ODAD2: variants seen among roughly 807,000 people sequenced by gnomAD.
ODAD2 encodes the protein outer dynein arm-docking complex subunit 2.
Under a neutral mutation model 106.8 loss-of-function variants are expected in ODAD2, and 89 were observed. That is an observed-to-expected ratio of 0.83 (90% CI 0.70 to 0.99). ODAD2 has a LOEUF of 0.99. Among genes scored for constraint, ODAD2 ranks in the 50% least tolerant of loss-of-function variants. ODAD2 has a pLI of 0.00. For missense variants in ODAD2, 1,168 were observed against 1,238.5 expected, an observed-to-expected ratio of 0.94 and a Z score of 0.85; for synonymous variants, 404 against 436.2, an observed-to-expected ratio of 0.93 and a Z score of 0.92.
chr10:27,855,107 T>TAGGC (rs1839568808), intron 19 of ODAD2, among the ~76,000 whole-genome samples: 1 of 152,162 alleles, frequency 6.6e-6, no homozygotes, highest in Non-Finnish European at 1.5e-5. Flanking sequence ...TGTGTGGGTG[T>TAGGC]AGGCATATAT....
At chr10:27,949,165 TTG>T (rs1428346469) in intron 10 of ODAD2, among the ~76,000 whole-genome samples, 2 of 152,184 alleles carry the variant, frequency 1.3e-5, no homozygotes, top group Non-Finnish European at 2.9e-5. Flanking sequence ...CAAATCACTT[TTG>T]TGTTATTTCA....
intron 19 of ODAD2, among the ~76,000 whole-genome samples, chr10:27,815,589 T>C (rs1159876494): frequency 6.6e-6 from 1 of 152,176 alleles, no homozygotes; most frequent in African/African-American, 2.4e-5. Flanking sequence ...AATTGGCCAC[T>C]TCCTCCTTCT....
Position 27,995,105 on chromosome 10 carries a change from G to A in ODAD2, c.38C>T (p.Ala13Val), listed in dbSNP as rs1459374300. ...VALRKLTQWT[A>V]AGHGTGILEI... Reference sequence around the variant, plus strand: ...GAGGATTCCAGTTCCATGTCCGGCAGCAGTCCACTGCGTCAATTTCCTCAG... The same window carrying A: ...GAGGATTCCAGTTCCATGTCCGGCAACAGTCCACTGCGTCAATTTCCTCAG... Residue 13 changes from alanine (A) to valine (V), a missense_variant, in exon 2 of 20, where the codon GCT (alanine) becomes GTT (valine). Physicochemically the swap from Ala to Val is moderately conservative, Grantham distance 64. Coordinates refer to ENST00000305242, the MANE Select transcript of ODAD2 (RefSeq NM_018076.5). 6.2e-7 allele frequency: 1 copy of A among 1,614,010 alleles called. No homozygotes were observed. Among genetic ancestry groups the A allele is most frequent in the Non-Finnish European group, 8.5e-7 (1 of 1,180,040 alleles).
At chr10:27,900,001 C>T (rs1843089002) in intron 17 of ODAD2, among the ~76,000 whole-genome samples, 1 of 152,146 alleles carries the variant, frequency 6.6e-6, no homozygotes, top group Admixed American at 6.5e-5. Flanking sequence ...GGTCTCTGAC[C>T]CCAGTGCCTC....
intron 16 of ODAD2, among the ~76,000 whole-genome samples, chr10:27,929,882 T>C (rs976326045): frequency 6.6e-6 from 1 of 152,152 alleles, no homozygotes; most frequent in Non-Finnish European, 1.5e-5. Context: ...TGGTCTTTTT[T>C]ATGTCAATAT....
At chr10:27,837,474 A>G (rs1485316754) in intron 19 of ODAD2, among the ~76,000 whole-genome samples, 1 of 152,222 alleles carries the variant, frequency 6.6e-6, no homozygotes, top group Non-Finnish European at 1.5e-5. Flanking sequence ...GGTTTCCACA[A>G]TCAGAAAATC....
intron 19 of ODAD2, among the ~76,000 whole-genome samples, chr10:27,839,667 T>C (rs10508726): frequency 0.6 from 91,853 of 152,034 alleles, 28,030 homozygotes; most frequent in Middle Eastern, 0.7. Context: ...AAAAACGCTG[T>C]GGTTTAAACA....
chr10:27,904,223 T>C (rs1487321594), intron 17 of ODAD2: 4 of 391,496 alleles, frequency 1.0e-5, no homozygotes, highest in African/African-American at 6.3e-5. Flanking sequence ...TGCACATTCC[T>C]AAAGCCTTCC....
At chr10:27,939,789 A>G in intron 14 of ODAD2, 108 bp downstream of exon 14, 1 of 506,406 alleles carries the variant, frequency 2.0e-6, no homozygotes. Context: ...AATAAATAAA[A>G]TGCAGATTCC....
chr10:27,924,230 C>A (rs1319844695), intron 16 of ODAD2, among the ~76,000 whole-genome samples: 1 of 150,778 alleles, frequency 6.6e-6, no homozygotes, highest in Non-Finnish European at 1.5e-5. Flanking sequence ...AAGTAAAATT[C>A]TCTGTGTAGT....
At chr10:27,920,947 T>A (rs960248565) in intron 16 of ODAD2, among the ~76,000 whole-genome samples, 3 of 152,156 alleles carry the variant, frequency 2.0e-5, no homozygotes, top group African/African-American at 7.2e-5. Flanking sequence ...CATGGTAAGT[T>A]TTAATTCTAT....
At chr10:27,815,169 T>C (rs1303639580) in intron 19 of ODAD2, among the ~76,000 whole-genome samples, 4 of 152,202 alleles carry the variant, frequency 2.6e-5, no homozygotes, top group Admixed American at 2.6e-4. Flanking sequence ...ACAATGGCTC[T>C]CTCCTATCCA....
At chr10:27,820,194 G>A (rs1836490331) in intron 19 of ODAD2, among the ~76,000 whole-genome samples, 2 of 152,066 alleles carry the variant, frequency 1.3e-5, no homozygotes, top group African/African-American at 4.8e-5. Flanking sequence ...GGACACCAAT[G>A]GCCCAGGCTC....
rs181722569 is a variant in ODAD2 at position 27,947,424 on chromosome 10, T to C, written c.1387-2462A>G. Among the ~76,000 whole-genome samples the C allele has an allele frequency of 1.6e-3, 251 of 152,242 alleles. 1 individual carries two copies. The highest frequency in any genetic ancestry group is 5.7e-3 in the African/African-American group (235 of 41,542). On this transcript the variant is annotated intron_variant, in intron 10 of 19. Coordinates refer to ENST00000305242, the MANE Select transcript of ODAD2 (RefSeq NM_018076.5). ...AGGCTGCAGTGAGCTATGATCACAC[T>C]ACCACTCTCCAGCATGGGCAACAGA... is the stretch of plus-strand genomic sequence containing the variant.
chr10:27,870,794 G>A (rs1263156880), intron 17 of ODAD2, among the ~76,000 whole-genome samples: 1 of 152,134 alleles, frequency 6.6e-6, no homozygotes, highest in Admixed American at 6.5e-5. Flanking sequence ...TTGCTATTGT[G>A]AATAGTGCCA....
intron 17 of ODAD2, among the ~76,000 whole-genome samples, chr10:27,889,537 T>C (rs1357733297): frequency 1.3e-5 from 2 of 152,168 alleles, no homozygotes. Flanking sequence ...CACTGTCTCT[T>C]AGTCTTATGA....
chr10:27,958,997 G>A (rs745422042), intron 10 of ODAD2: 70 of 1,302,886 alleles, frequency 5.4e-5, no homozygotes, highest in African/African-American at 2.9e-4. Context: ...ATAATGGACC[G>A]GGACTCTTGG....
At chr10:27,936,969 G>A in intron 14 of ODAD2, 89 bp from the exon 15 acceptor site, 1 of 1,308,970 alleles carries the variant, frequency 7.6e-7, no homozygotes, top group Non-Finnish European at 1.0e-6. Flanking sequence ...TAGTAGCTAG[G>A]AAACTTCTTT....
At chr10:27,960,459 G>A (rs1423756437) in intron 10 of ODAD2, among the ~76,000 whole-genome samples, 3 of 151,480 alleles carry the variant, frequency 2.0e-5, no homozygotes, top group Non-Finnish European at 2.9e-5. Context: ...CAATTCTCCT[G>A]CCTCAGCATC....
Sources: gnomAD v4.1 joint callset for allele counts (sites outside exome capture counted in the v4.1 genomes callset) on GRCh38, gnomAD v4.1.1 for gene constraint, MANE v1.5 for transcripts, NCBI Gene and HGNC (gene_info 2026-07-23, HGNC 2026-07-21) for gene names.